The following NAALADL2 variants were observed in gnomAD, a reference collection of about 807,000 sequenced individuals.
The protein encoded by NAALADL2 is inactive N-acetylated-alpha-linked acidic dipeptidase-like protein 2.
Under a neutral mutation model 87.2 loss-of-function variants are expected in NAALADL2, and 76 were observed. That is an observed-to-expected ratio of 0.87 (90% CI 0.72 to 1.05). The LOEUF (loss-of-function observed/expected upper bound fraction) is 1.05. Among genes scored for constraint, NAALADL2 ranks in the 50% least tolerant of loss-of-function variants. NAALADL2 has a pLI of 0.00. For missense variants in NAALADL2, 1,089 were observed against 945.8 expected (o/e 1.15, Z -1.99); for synonymous variants, 354 against 331.0 (o/e 1.07, Z -0.75).
chr3:175,439,738 T>C (rs1176683606), intron 5 of NAALADL2, among the ~76,000 whole-genome samples: 12 of 146,396 alleles, frequency 8.2e-5, no homozygotes, highest in Admixed American at 6.9e-4. Context: ...TTTCTTTTTT[T>C]TCTTTTTTTG....
At chr3:175,781,612 T>C (rs1428267159) in intron 13 of NAALADL2, among the ~76,000 whole-genome samples, 2 of 151,252 alleles carry the variant, frequency 1.3e-5, no homozygotes, top group Non-Finnish European at 2.9e-5. Context: ...ACTGATCCTG[T>C]GTAGGCCTGG....
At chr3:174,912,040 T>C (rs1733773614) in intron 1 of NAALADL2, among the ~76,000 whole-genome samples, 1 of 152,066 alleles carries the variant, frequency 6.6e-6, no homozygotes, top group Non-Finnish European at 1.5e-5. Context: ...GTCCACCAAT[T>C]TCTCTTCTCA....
intron 4 of NAALADL2, among the ~76,000 whole-genome samples, chr3:175,268,577 T>C (rs1752325885): frequency 6.6e-6 from 1 of 152,122 alleles, no homozygotes; most frequent in Admixed American, 6.6e-5. Flanking sequence ...TTTATGAACT[T>C]TTTACTTTTT....
chr3:175,608,847 T>A (rs1189048660), intron 10 of NAALADL2, among the ~76,000 whole-genome samples: 2 of 152,202 alleles, frequency 1.3e-5, no homozygotes, highest in African/African-American at 2.4e-5. Context: ...TTTGCCACTA[T>A]GCATAGCTTA....
Position 175,014,859 on chromosome 3 carries a change from T to G in NAALADL2, c.44-81931T>G, listed in dbSNP as rs144149156. Among the ~76,000 whole-genome samples, 294 of 152,190 alleles carry G rather than the reference T, an allele frequency of 1.9e-3. 2 individuals carry two copies. The highest frequency in any genetic ancestry group is 6.7e-3 in the African/African-American group (277 of 41,558). On this transcript the variant is annotated intron_variant, in intron 1 of 13. Transcript: ENST00000454872. ...TCTCTCTCCCTCCCTTCATCCATCC[T>G]CCATTCCTTTTGTTTTATTCCCTCT...
intron 2 of NAALADL2, among the ~76,000 whole-genome samples, chr3:174,659,281 G>A (rs1481576250): frequency 6.6e-6 from 1 of 152,032 alleles, no homozygotes; most frequent in African/African-American, 2.4e-5. Flanking sequence ...TTTATATGAC[G>A]TTTATTAATA....
chr3:175,482,384 G>T (rs984349721), intron 9 of NAALADL2, among the ~76,000 whole-genome samples: 1 of 131,224 alleles, frequency 7.6e-6, no homozygotes, highest in African/African-American at 2.5e-5. Flanking sequence ...GACTGCAGAT[G>T]TAGAGATTAT....
Position 175,071,080 on chromosome 3 carries a change from G to C in NAALADL2, c.44-25710G>C, listed in dbSNP as rs182368869. ...TCTCTTGATGTTACAACAGTGCTAG[G>C]AGGAAGCCAGTTAGGTCCCTTGAGT... On this transcript the variant is annotated intron_variant, in intron 1 of 13. Coordinates refer to ENST00000454872, the MANE Select transcript of NAALADL2 (RefSeq NM_207015.3). 1.4e-4 allele frequency among the ~76,000 whole-genome samples: 21 copies of C among 152,144 alleles called. No homozygotes were observed. In the East Asian group the frequency reaches 4.1e-3, roughly 30 times the overall value.
intron 2 of NAALADL2, among the ~76,000 whole-genome samples, chr3:174,606,262 C>T (rs960051667): frequency 6.6e-6 from 1 of 152,204 alleles, no homozygotes; most frequent in Non-Finnish European, 1.5e-5. Flanking sequence ...AAGCAGAGCG[C>T]CTCTCCTCCT....
intron 2 of NAALADL2, among the ~76,000 whole-genome samples, chr3:175,119,058 C>CA (rs1560051103): frequency 6.7e-6 from 1 of 149,796 alleles, no homozygotes; most frequent in East Asian, 2.0e-4. Flanking sequence ...TGCATTTATA[C>CA]GTTTTTTTTT....
chr3:175,536,143 C>G (rs1414317102), intron 9 of NAALADL2, among the ~76,000 whole-genome samples: 4 of 152,174 alleles, frequency 2.6e-5, no homozygotes, highest in Non-Finnish European at 5.9e-5. Context: ...AATCAGAGGA[C>G]AGCAGAGTGC....
chr3:174,553,063 G>T (rs1032373267), intron 2 of NAALADL2, among the ~76,000 whole-genome samples: 7 of 152,124 alleles, frequency 4.6e-5, no homozygotes, highest in African/African-American at 1.7e-4. Flanking sequence ...TTGACTATGG[G>T]TTTTATATAT....
In NAALADL2 at chr3:175,566,426, A is replaced by G. The variant is rs532299113; in HGVS notation, c.1654-9615A>G. ...TGAAACACAAATGATATCTTACAGA[A>G]TATCTCAGCACATTATTTTTTAGGT... On this transcript the variant is annotated intron_variant, in intron 9 of 13. Transcript: ENST00000454872. Among the ~76,000 whole-genome samples, 62 of 152,320 alleles carry G rather than the reference A, an allele frequency of 4.1e-4. No homozygotes were observed. In the South Asian group the frequency reaches 0.013, roughly 31 times the overall value.
At chr3:175,276,583 G>A (rs1054291622) in intron 4 of NAALADL2, among the ~76,000 whole-genome samples, 6 of 152,042 alleles carry the variant, frequency 3.9e-5, no homozygotes, top group Admixed American at 6.6e-5. Flanking sequence ...GATTACAGGC[G>A]TGAGCCACCA....
chr3:175,105,540 T>G (rs1560033127), intron 2 of NAALADL2, among the ~76,000 whole-genome samples: 1 of 142,004 alleles, frequency 7.0e-6, no homozygotes, highest in African/African-American at 2.7e-5. Context: ...ATTCATATAT[T>G]TATATATAGA....
intron 11 of NAALADL2, among the ~76,000 whole-genome samples, chr3:175,730,615 C>A (rs1230860115): frequency 6.6e-6 from 1 of 151,308 alleles, no homozygotes; most frequent in East Asian, 1.9e-4. Context: ...TTGCCTAACA[C>A]TAGTGAGACC....
chr3:175,036,462 C>T (rs763808728), intron 1 of NAALADL2, among the ~76,000 whole-genome samples: 4 of 151,272 alleles, frequency 2.6e-5, no homozygotes, highest in African/African-American at 4.9e-5. Context: ...TGCAGTGGTG[C>T]GATCTCAGCT....
At chr3:174,643,614 A>C (rs1018274453) in intron 2 of NAALADL2, among the ~76,000 whole-genome samples, 1 of 152,182 alleles carries the variant, frequency 6.6e-6, no homozygotes, top group African/African-American at 2.4e-5. Flanking sequence ...AGATTATGCC[A>C]CTGCACTCCA....
At chr3:174,876,378 C>T (rs1369363846) in intron 1 of NAALADL2, among the ~76,000 whole-genome samples, 2 of 152,150 alleles carry the variant, frequency 1.3e-5, no homozygotes, top group Non-Finnish European at 2.9e-5. Flanking sequence ...TAACCATCCT[C>T]TAGCTCTTTT....
Sources: allele counts gnomAD v4.1 joint callset (sites outside exome capture counted in the v4.1 genomes callset), GRCh38; gene constraint gnomAD v4.1.1; transcripts MANE v1.5; gene names NCBI Gene and HGNC (gene_info 2026-07-23, HGNC 2026-07-21).